The following SLC24A2 variants were observed in gnomAD, a reference collection of about 807,000 sequenced individuals.
The protein encoded by SLC24A2 is solute carrier family 24 member 2.
SLC24A2 carries 36 observed loss-of-function variants against 62.0 expected under a neutral mutation model. That is an observed-to-expected ratio of 0.58 (90% confidence interval 0.44 to 0.77). SLC24A2 has a LOEUF of 0.77. Ranked by LOEUF, SLC24A2 falls within the 30% of genes least tolerant of loss-of-function variation. The pLI is 0.00. For synonymous variants in SLC24A2, 358 were observed against 294.0 expected (o/e 1.22, Z -2.23); for missense variants, 846 against 817.9 (o/e 1.03, Z -0.42).
the SLC24A2 span, among the ~76,000 whole-genome samples, chr9:20,234,660 C>T: frequency 1.3e-5 from 2 of 152,142 alleles, no homozygotes; most frequent in African/African-American, 4.8e-5. Flanking sequence ...AACTTCTTTG[C>T]CATTGGTTTG....
chr9:20,277,629 A>G, the SLC24A2 span, among the ~76,000 whole-genome samples: 2 of 152,178 alleles, frequency 1.3e-5, no homozygotes, highest in Admixed American at 1.3e-4. Flanking sequence ...ACACTTTTAC[A>G]CTATTGGTGG....
At chr9:19,891,888 G>C in the SLC24A2 span, among the ~76,000 whole-genome samples, 1 of 152,124 alleles carries the variant, frequency 6.6e-6, no homozygotes, top group African/African-American at 2.4e-5. Context: ...CCTCCCATTA[G>C]GCCTCACCTC....
the SLC24A2 span, among the ~76,000 whole-genome samples, chr9:19,987,796 T>C: frequency 1.3e-5 from 2 of 152,182 alleles, no homozygotes; most frequent in African/African-American, 4.8e-5. Context: ...CATCCAGTTA[T>C]CACGCTTCCC....
At chr9:20,152,182 T>C in the SLC24A2 span, among the ~76,000 whole-genome samples, 2 of 151,850 alleles carry the variant, frequency 1.3e-5, no homozygotes, top group African/African-American at 4.8e-5. Context: ...CGGTTTTAGC[T>C]CTCCCTCTTA....
intron 2 of SLC24A2, among the ~76,000 whole-genome samples, chr9:19,726,906 T>G (rs1821188709): frequency 6.6e-6 from 1 of 152,180 alleles, no homozygotes; most frequent in Non-Finnish European, 1.5e-5. Flanking sequence ...GTACATTTTG[T>G]TTTTTCCTTC....
At chr9:19,576,589 C>T (rs543130931) in intron 6 of SLC24A2, among the ~76,000 whole-genome samples, 16 of 152,272 alleles carry the variant, frequency 1.1e-4, no homozygotes, top group East Asian at 3.9e-4. Flanking sequence ...TGCGTGTATG[C>T]GTGTGCATGT....
intron 2 of SLC24A2, among the ~76,000 whole-genome samples, chr9:19,689,691 A>AT (rs1375931090): frequency 6.6e-6 from 1 of 151,950 alleles, no homozygotes; most frequent in Non-Finnish European, 1.5e-5. Context: ...TGGATCTGAT[A>AT]TTTTCTCCTG....
the SLC24A2 span, among the ~76,000 whole-genome samples, chr9:20,031,351 TTA>T: frequency 0.023 from 3,291 of 141,562 alleles, 75 homozygotes; most frequent in African/African-American, 0.054. Context: ...TACACACACT[TTA>T]TATATATATA....
chr9:20,162,410 C>A, the SLC24A2 span, among the ~76,000 whole-genome samples: 1 of 152,006 alleles, frequency 6.6e-6, no homozygotes, highest in African/African-American at 2.4e-5. Flanking sequence ...AACACATACA[C>A]CCTCCCAAGA....
At chr9:19,587,419 TC>T (rs1196345043) in intron 5 of SLC24A2, among the ~76,000 whole-genome samples, 1 of 152,180 alleles carries the variant, frequency 6.6e-6, no homozygotes. Context: ...TAATCTGAGT[TC>T]TTAGTTTATA....
the SLC24A2 span, among the ~76,000 whole-genome samples, chr9:19,943,108 T>C: frequency 1.3e-5 from 2 of 152,220 alleles, no homozygotes; most frequent in Admixed American, 6.5e-5. Context: ...TTTTAAATGA[T>C]GACATTTACC....
chr9:19,813,767 C>A, the SLC24A2 span, among the ~76,000 whole-genome samples: 2 of 152,144 alleles, frequency 1.3e-5, no homozygotes, highest in East Asian at 3.9e-4. Flanking sequence ...GTGCAGACCC[C>A]CTGAATGGGA....
the SLC24A2 span, among the ~76,000 whole-genome samples, chr9:20,153,251 A>T: frequency 6.6e-6 from 1 of 151,916 alleles, no homozygotes; most frequent in African/African-American, 2.4e-5. Context: ...AGACTGTAGG[A>T]GAAACTGAAT....
the SLC24A2 span, among the ~76,000 whole-genome samples, chr9:20,103,371 T>G: frequency 6.6e-6 from 1 of 152,160 alleles, no homozygotes; most frequent in Non-Finnish European, 1.5e-5. Flanking sequence ...CAGCTGGAGA[T>G]CTGAGAACAG....
At chr9:19,535,650 A>C (rs997343917) in intron 8 of SLC24A2, among the ~76,000 whole-genome samples, 1 of 152,170 alleles carries the variant, frequency 6.6e-6, no homozygotes, top group African/African-American at 2.4e-5. Flanking sequence ...TTTGTCAAAG[A>C]TTAGATGATT....
the SLC24A2 span, among the ~76,000 whole-genome samples, chr9:20,046,527 C>T: frequency 6.6e-6 from 1 of 152,198 alleles, no homozygotes; most frequent in African/African-American, 2.4e-5. Context: ...ATAAAAACAA[C>T]ATTTTTTTCT....
At chr9:19,988,575 G>A in the SLC24A2 span, among the ~76,000 whole-genome samples, 1 of 152,162 alleles carries the variant, frequency 6.6e-6, no homozygotes, top group Admixed American at 6.5e-5. Context: ...GCTATGCTTG[G>A]CTAAGAATTA....
At chr9:19,631,341 G>C (rs1818173324) in intron 2 of SLC24A2, among the ~76,000 whole-genome samples, 1 of 152,112 alleles carries the variant, frequency 6.6e-6, no homozygotes, top group Non-Finnish European at 1.5e-5. Flanking sequence ...ACTGCTTCTT[G>C]AATCAGTCTC....
chr9:19,550,242 A>T lies in SLC24A2; in HGVS notation c.1374T>A (p.Pro458=). ...AQTADEEEDQ[P]LSLAWPSETR... ...TTTCAGAAGGCCAGGCAAGGCTGAG[A>T]GGCTGGTCCTCCTCCTCATCAGCGG... The change falls in exon 8 of 11, where the codon CCT becomes CCA. Residue 458 remains proline, a synonymous_variant. Coordinates refer to ENST00000341998, the MANE Select transcript of SLC24A2 (RefSeq NM_020344.4). 6.8e-6 allele frequency: 11 copies of T among 1,614,162 alleles called. No individual in the cohort carries two copies. Among genetic ancestry groups the T allele is most frequent in the Non-Finnish European group, 9.3e-6 (11 of 1,180,002 alleles).
Sources: gnomAD v4.1 joint callset for allele counts (sites outside exome capture counted in the v4.1 genomes callset) on GRCh38, gnomAD v4.1.1 for gene constraint, MANE v1.5 for transcripts, NCBI Gene and HGNC (gene_info 2026-07-23, HGNC 2026-07-21) for gene names.